The following PDE1A variants were observed in gnomAD, a reference collection of about 807,000 sequenced individuals.
PDE1A encodes the protein phosphodiesterase 1A.
A neutral mutation model predicts 61.7 loss-of-function variants in PDE1A; 35 were observed. The observed-to-expected ratio is 0.57, with a 90% CI of 0.43 to 0.75. The LOEUF (loss-of-function observed/expected upper bound fraction) is 0.75. PDE1A is among the 30% of genes least tolerant of loss of function. The pLI is 0.00. For missense variants in PDE1A, 597 were observed against 630.6 expected, an observed-to-expected ratio of 0.95 and a Z score of 0.57; for synonymous variants, 232 against 213.2, an observed-to-expected ratio of 1.09 and a Z score of -0.77.
At chr2:182,288,677 A>T (rs1694325294) in intron 1 of PDE1A, among the ~76,000 whole-genome samples, 1 of 152,028 alleles carries the variant, frequency 6.6e-6, no homozygotes, top group Non-Finnish European at 1.5e-5. Flanking sequence ...TAAACAGATC[A>T]CCAATGTAGC....
chr2:182,562,967 T>C, the PDE1A span, among the ~76,000 whole-genome samples: 1 of 152,212 alleles, frequency 6.6e-6, no homozygotes, highest in African/African-American at 2.4e-5. Context: ...TTAGTCTTGC[T>C]AGTGCTCCAT....
intron 1 of PDE1A, among the ~76,000 whole-genome samples, chr2:182,339,900 C>T (rs560038220): frequency 6.6e-6 from 1 of 152,132 alleles, no homozygotes; most frequent in East Asian, 1.9e-4. Flanking sequence ...AGTCCTAAAC[C>T]CAATTTACTT....
At chr2:182,242,660 T>A (rs1690610742) in intron 2 of PDE1A, among the ~76,000 whole-genome samples, 1 of 152,138 alleles carries the variant, frequency 6.6e-6, no homozygotes, top group Admixed American at 6.5e-5. Context: ...GTAAGCCTCA[T>A]CTAATCAGTT....
chr2:182,598,346 G>C, the PDE1A span, among the ~76,000 whole-genome samples: 2 of 152,080 alleles, frequency 1.3e-5, no homozygotes, highest in African/African-American at 4.8e-5. Context: ...CCGAGGCGGA[G>C]GGATCACCTA....
At chr2:182,201,891 G>A (rs1686688816) in intron 8 of PDE1A, 102 bp from the exon 9 acceptor site, 4 of 707,188 alleles carry the variant, frequency 5.7e-6, no homozygotes, top group Non-Finnish European at 9.7e-6. Flanking sequence ...AGTTCTTAAT[G>A]GATATGAACA....
chr2:182,712,334 A>T, the PDE1A span, among the ~76,000 whole-genome samples: 1 of 152,174 alleles, frequency 6.6e-6, no homozygotes, highest in African/African-American at 2.4e-5. Flanking sequence ...CAAGACCTAA[A>T]TGGGGTCTGA....
intron 2 of PDE1A, among the ~76,000 whole-genome samples, chr2:182,491,502 A>G (rs1302058075): frequency 6.6e-6 from 1 of 152,208 alleles, no homozygotes; most frequent in Non-Finnish European, 1.5e-5. Context: ...TGCTACAAGG[A>G]CTACGCTGGA....
the PDE1A span, among the ~76,000 whole-genome samples, chr2:182,658,047 TAAA>T: frequency 1.5e-5 from 1 of 66,662 alleles, no homozygotes; most frequent in Non-Finnish European, 2.6e-5. Context: ...AGCTTCTCAG[TAAA>T]AAAAAAAAAA....
At chr2:182,205,590 T>C (rs538867147) in intron 8 of PDE1A, among the ~76,000 whole-genome samples, 73 of 152,310 alleles carry the variant, frequency 4.8e-4, no homozygotes, top group African/African-American at 1.7e-3. Flanking sequence ...AGAATGAATA[T>C]AATGCCAAAA....
chr2:182,393,507 T>C (rs1281916746), intron 1 of PDE1A, among the ~76,000 whole-genome samples: 54 of 152,264 alleles, frequency 3.5e-4, no homozygotes, highest in Non-Finnish European at 1.5e-5. Context: ...TCATTGCTTA[T>C]GCAAATTTTT....
intron 10 of PDE1A, among the ~76,000 whole-genome samples, chr2:182,201,007 A>G (rs186629437): frequency 5.3e-5 from 8 of 152,202 alleles, no homozygotes; most frequent in African/African-American, 1.9e-4. Context: ...GTTGTTGCCT[A>G]TTTCAGTTAG....
intron 2 of PDE1A, among the ~76,000 whole-genome samples, chr2:182,503,193 AC>A (rs1689200094): frequency 6.6e-6 from 1 of 151,608 alleles, no homozygotes; most frequent in Non-Finnish European, 1.5e-5. Context: ...ACTTCTTACC[AC>A]CTCCAAAGGC....
At chr2:182,227,005 G>A (rs941387787) in intron 6 of PDE1A, among the ~76,000 whole-genome samples, 11 of 151,956 alleles carry the variant, frequency 7.2e-5, no homozygotes, top group African/African-American at 2.7e-4. Flanking sequence ...TGCCTATGTT[G>A]CAGAAAACAA....
At chr2:182,383,048 G>T (rs1700822893) in intron 1 of PDE1A, among the ~76,000 whole-genome samples, 1 of 151,992 alleles carries the variant, frequency 6.6e-6, no homozygotes, top group African/African-American at 2.4e-5. Context: ...CCCTCATTCT[G>T]GTCCCAAGTC....
chr2:182,540,368 A>G, the PDE1A span, among the ~76,000 whole-genome samples: 2 of 112,442 alleles, frequency 1.8e-5, no homozygotes, highest in African/African-American at 6.3e-5. Flanking sequence ...GTCTCAAAGA[A>G]AAAAAAAAAA....
chr2:182,405,090 G>T (rs1664554335), intron 1 of PDE1A, among the ~76,000 whole-genome samples: 1 of 152,104 alleles, frequency 6.6e-6, no homozygotes, highest in South Asian at 2.1e-4. Context: ...ACATATGATG[G>T]CTACCATGTC....
chr2:182,257,522 G>T (rs1296352077), intron 2 of PDE1A, among the ~76,000 whole-genome samples: 1 of 152,164 alleles, frequency 6.6e-6, no homozygotes, highest in Non-Finnish European at 1.5e-5. Flanking sequence ...ATTCCAAGAG[G>T]CTAAACATCT....
the PDE1A span, among the ~76,000 whole-genome samples, chr2:182,714,606 C>T: frequency 6.6e-6 from 1 of 152,066 alleles, no homozygotes; most frequent in Non-Finnish European, 1.5e-5. Flanking sequence ...TGCTCTGTAC[C>T]CAGGCTGGTG....
At chr2:182,639,850 C>T in the PDE1A span, among the ~76,000 whole-genome samples, 2 of 148,978 alleles carry the variant, frequency 1.3e-5, no homozygotes, top group African/African-American at 4.9e-5. Flanking sequence ...AGCTCTGAAA[C>T]ATATAATTTA....
Sources: gnomAD v4.1 joint callset for allele counts (sites outside exome capture counted in the v4.1 genomes callset) on GRCh38, gnomAD v4.1.1 for gene constraint, MANE v1.5 for transcripts, NCBI Gene and HGNC (gene_info 2026-07-23, HGNC 2026-07-21) for gene names.